Variants in CDH11 observed in about 807,000 individuals in gnomAD.
CDH11 encodes cadherin 11.
A neutral mutation model predicts 67.8 loss-of-function variants in CDH11; 11 were observed. The observed-to-expected ratio is 0.16, with a 90% CI of 0.10 to 0.27. The LOEUF (loss-of-function observed/expected upper bound fraction) is 0.27. Ranked by LOEUF, CDH11 falls within the 10% of genes least tolerant of loss-of-function variation. The probability of loss-of-function intolerance (pLI) is 1.00; values close to 1 mark genes in which losing one functional copy is unlikely to be tolerated. For synonymous variants in CDH11, 419 were observed against 400.0 expected, an observed-to-expected ratio of 1.05 and a Z score of -0.57; for missense variants, 847 against 1,031.2, an observed-to-expected ratio of 0.82 and a Z score of 2.45.
chr16:65,109,365 T>G (rs1157040742), intron 1 of CDH11, among the ~76,000 whole-genome samples: 1 of 152,152 alleles, frequency 6.6e-6, no homozygotes, highest in Non-Finnish European at 1.5e-5. Flanking sequence ...CAAATTCCTT[T>G]CAAAGGTGTA....
chr16:64,961,094 T>TTATTCATC lies in CDH11; in HGVS notation c.1643-10077_1643-10076insGATGAATA, dbSNP rs1389303161. ...TTTTAGGACGCTTCCTGGCACTCAT[T>TTATTCATC]TTTTCATCTTTTCATGATTACAGAA... On this transcript the variant is annotated intron_variant, in intron 11 of 12. Coordinates refer to ENST00000268603, the MANE Select transcript of CDH11 (RefSeq NM_001797.4). Among the ~76,000 whole-genome samples, 3 of 152,128 alleles carry TTATTCATC rather than the reference T, an allele frequency of 2.0e-5. No individual in the cohort carries two copies. The East Asian group carries it at 5.8e-4, about 29-fold the overall frequency.
chr16:65,047,695 A>T (rs1440650143), intron 2 of CDH11, among the ~76,000 whole-genome samples: 1 of 152,078 alleles, frequency 6.6e-6, no homozygotes, highest in East Asian at 1.9e-4. Context: ...AACCATCTTA[A>T]CTGTTTAAAT....
chr16:65,008,996 G>A (rs2142540883), intron 2 of CDH11, among the ~76,000 whole-genome samples: 1 of 152,160 alleles, frequency 6.6e-6, no homozygotes, highest in African/African-American at 2.4e-5. Flanking sequence ...CCATTTTACA[G>A]GCAAGTAGTC....
At chr16:64,995,568 C>T (rs2072742897) in intron 4 of CDH11, among the ~76,000 whole-genome samples, 1 of 152,138 alleles carries the variant, frequency 6.6e-6, no homozygotes, top group Non-Finnish European at 1.5e-5. Context: ...GGACCCCTAC[C>T]TTTCCCCATA....
chr16:65,070,093 C>T (rs575038276), intron 1 of CDH11, among the ~76,000 whole-genome samples: 3 of 152,286 alleles, frequency 2.0e-5, no homozygotes, highest in South Asian at 2.1e-4. Flanking sequence ...TGCCACTGTA[C>T]GATTGTGGCA....
chr16:65,017,960 T>C (rs939101072), intron 2 of CDH11, among the ~76,000 whole-genome samples: 61 of 152,214 alleles, frequency 4.0e-4, no homozygotes, highest in African/African-American at 1.4e-3. Flanking sequence ...CAAAATAAGT[T>C]TTAGCCTTAC....
At position 65,038,041 on chromosome 16, in the gene CDH11, C is replaced by T. The variant is rs149886194; in HGVS notation, c.-173+15763G>A. On this transcript the variant is annotated intron_variant, in intron 2 of 12. Coordinates refer to ENST00000268603, the MANE Select transcript of CDH11 (RefSeq NM_001797.4). ...AGAATTGTTCTTTTAATTTCTTTAA[C>T]GCTAACAAAACTCCAAAGAAATGAG... Among the ~76,000 whole-genome samples the T allele has an allele frequency of 2.6e-3, 391 of 151,814 alleles. 3 individuals carry two copies. Among genetic ancestry groups the T allele is most frequent in the African/African-American group, 8.7e-3 (359 of 41,414 alleles).
upstream of CDH11, among the ~76,000 whole-genome samples, chr16:65,123,517 C>A (rs1374033231): frequency 6.6e-6 from 1 of 151,958 alleles, no homozygotes; most frequent in Non-Finnish European, 1.5e-5. Context: ...GGGGAAGGAA[C>A]CCCAGTGCGG....
At chr16:64,985,926 G>C (rs1597054902) in intron 7 of CDH11, 1 of 151,946 alleles carries the variant, frequency 6.6e-6, no homozygotes, top group South Asian at 2.1e-4. Context: ...TGAACTCCCT[G>C]TGGTCAAGAC....
chr16:65,011,032 CAT>C (rs1221612002), intron 2 of CDH11, among the ~76,000 whole-genome samples: 1 of 146,570 alleles, frequency 6.8e-6, no homozygotes, highest in Non-Finnish European at 1.5e-5. Flanking sequence ...TATATACACA[CAT>C]ATGTATATGT....
chr16:65,045,329 GTATATATATATATATATATATATATATA>G (rs57695452), intron 2 of CDH11, among the ~76,000 whole-genome samples: 22 of 63,266 alleles, frequency 3.5e-4, no homozygotes, highest in Admixed American at 7.3e-4. Context: ...TCCCTCAAAA[GTATATATATATATATATATATATATATA>G]TATATATATA....
At chr16:65,122,113 C>A, upstream of CDH11, 1 of 78,490 alleles carries the variant, frequency 1.3e-5, no homozygotes, top group Non-Finnish European at 2.4e-5. Flanking sequence ...GGGGAGGTGG[C>A]GGGCGGGCAG....
At chr16:65,018,752 C>T (rs112779383) in intron 2 of CDH11, among the ~76,000 whole-genome samples, 2 of 152,192 alleles carry the variant, frequency 1.3e-5, no homozygotes, top group African/African-American at 4.8e-5. Context: ...TCCAAGAGTG[C>T]TTTGGCAGTA....
intron 1 of CDH11, among the ~76,000 whole-genome samples, chr16:65,057,163 G>A (rs1046491568): frequency 7.9e-5 from 12 of 152,090 alleles, no homozygotes; most frequent in East Asian, 1.9e-4. Flanking sequence ...TCTCTGCACC[G>A]GCCTTCATGG....
intron 11 of CDH11, among the ~76,000 whole-genome samples, chr16:64,954,507 C>T (rs2071450165): frequency 6.6e-6 from 1 of 152,172 alleles, no homozygotes; most frequent in Non-Finnish European, 1.5e-5. Context: ...TGTTTATCCT[C>T]TGTGCTGTGC....
intron 1 of CDH11, among the ~76,000 whole-genome samples, chr16:65,102,935 A>G (rs2075016657): frequency 6.6e-6 from 1 of 152,200 alleles, no homozygotes; most frequent in South Asian, 2.1e-4. Flanking sequence ...ATTATCTGTC[A>G]AGGTATTTTG....
At chr16:64,963,125 C>T (rs897417365) in intron 11 of CDH11, among the ~76,000 whole-genome samples, 19 of 152,128 alleles carry the variant, frequency 1.2e-4, no homozygotes, top group Admixed American at 1.3e-4. Flanking sequence ...ACCAGGCACG[C>T]ATATGACAGA....
intron 2 of CDH11, among the ~76,000 whole-genome samples, chr16:65,041,263 G>A (rs747092103): frequency 9.9e-5 from 15 of 152,280 alleles, no homozygotes; most frequent in Non-Finnish European, 2.1e-4. Context: ...GAACACACAA[G>A]TAGGTGCACA....
intron 1 of CDH11, among the ~76,000 whole-genome samples, chr16:65,078,872 G>C (rs1197461778): frequency 6.6e-6 from 1 of 152,174 alleles, no homozygotes; most frequent in African/African-American, 2.4e-5. Flanking sequence ...TGGGGCTGCT[G>C]ACTGCCTGGC....
Sources: allele counts gnomAD v4.1 joint callset (sites outside exome capture counted in the v4.1 genomes callset), GRCh38; gene constraint gnomAD v4.1.1; transcripts MANE v1.5; gene names NCBI Gene and HGNC (gene_info 2026-07-23, HGNC 2026-07-21).